The following SYDE2 variants were observed in gnomAD, a reference collection of about 807,000 sequenced individuals.
SYDE2 encodes the protein rho GTPase-activating protein SYDE2.
Under a neutral mutation model 91.5 loss-of-function variants are expected in SYDE2, and 76 were observed. The ratio of observed to expected loss-of-function variants is 0.83; its 90% CI spans 0.69 to 1.01. SYDE2 has a LOEUF of 1.01. Ranked by LOEUF, SYDE2 falls within the 50% of genes least tolerant of loss-of-function variation. The probability of loss-of-function intolerance (pLI) is 0.00; values close to 1 mark genes in which losing one functional copy is unlikely to be tolerated. For synonymous variants in SYDE2, 513 were observed against 506.4 expected (o/e 1.01, Z -0.18); for missense variants, 1,364 against 1,367.7 (o/e 1.00, Z 0.04).
chr1:85,167,205 C>G (rs1452291564), intron 5 of SYDE2, among the ~76,000 whole-genome samples: 1 of 142,830 alleles, frequency 7.0e-6, no homozygotes, highest in Non-Finnish European at 1.5e-5. Context: ...CAAAGTGAGA[C>G]CCTGTCTCAA....
At position 85,158,947 on chromosome 1, in the gene SYDE2, C is replaced by G; in HGVS notation, c.3388G>C (p.Asp1130His). Reference sequence around the variant, plus strand: ...TGTTCAATCATTACTTCTGGCCCATCCATTTTGCTATAATTTTCTCCGATT... The same window carrying G: ...TGTTCAATCATTACTTCTGGCCCATGCATTTTGCTATAATTTTCTCCGATT... ...RKIGENYSKM[D>H]GPEVMIEQPI... is the part of the protein sequence containing the mutation. Residue 1130 changes from aspartate (D) to histidine (H), a missense_variant, in exon 7 of 7, where the codon GAT becomes CAT. Asp to His is a moderately conservative substitution (Grantham distance 81, BLOSUM62 -1). Coordinates refer to ENST00000341460, the MANE Select transcript of SYDE2 (RefSeq NM_032184.2). 2.6e-6 allele frequency: 2 copies of G among 780,620 alleles called. No homozygotes were observed. The highest frequency in any genetic ancestry group is 3.4e-5 in the Admixed American group (2 of 58,990). The allele number at this position is 780,620 out of a possible 1,614,324, so 48.4% of individuals were successfully genotyped here.
chr1:85,176,883 A>G (rs1022029302), intron 4 of SYDE2, among the ~76,000 whole-genome samples: 7 of 152,206 alleles, frequency 4.6e-5, no homozygotes, highest in Admixed American at 2.0e-4. Flanking sequence ...CATATGCTTG[A>G]AAATTTCAAT....
At position 85,182,404 on chromosome 1, in the gene SYDE2, T is replaced by C; in HGVS notation, c.2238A>G (p.Val746=). ...TTCTTGGAGTGGGTTCCCAACTGAA[T>C]ACTACTAGTTTCAAATGTTGTGCAT... ...IENAQHLKLV[V]FSWEPTPRKN... Residue 746 remains valine, a synonymous_variant, in exon 3 of 7, where the codon GTA becomes GTG. Transcript: ENST00000341460. 6.2e-7 allele frequency: 1 copy of C among 1,613,778 alleles called. No individual in the cohort carries two copies. Among genetic ancestry groups the C allele is most frequent in the Non-Finnish European group, 8.5e-7 (1 of 1,179,768 alleles).
In SYDE2 at chr1:85,190,267, C is replaced by T. The variant is rs1394410823; in HGVS notation, c.1231G>A (p.Asp411Asn). Residue 411 changes from aspartate to asparagine, a missense_variant, in exon 2 of 7, where the codon GAC becomes AAC. Physicochemically the swap from Asp to Asn is conservative, Grantham distance 23 (BLOSUM62 1). Coordinates refer to ENST00000341460, the MANE Select transcript of SYDE2 (RefSeq NM_032184.2). Reference sequence around the variant, plus strand: ...GTATGCCGCTCTGCTTTCATCAGGTCACTGCCAGACAACATGCTCAAATTG... The same window carrying T: ...GTATGCCGCTCTGCTTTCATCAGGTTACTGCCAGACAACATGCTCAAATTG... ...AVNLSMLSGSDLMKAERHTED... is the reference protein window; with the variant it reads ...AVNLSMLSGSNLMKAERHTED... 5.6e-6 allele frequency: 9 copies of T among 1,613,904 alleles called. No homozygotes were observed. Among genetic ancestry groups the T allele is most frequent in the Non-Finnish European group, 7.6e-6 (9 of 1,179,874 alleles).
chr1:85,189,027 G>A (rs976669141), intron 2 of SYDE2, among the ~76,000 whole-genome samples: 1 of 152,124 alleles, frequency 6.6e-6, no homozygotes, highest in Non-Finnish European at 1.5e-5. Context: ...CTTATGTTCT[G>A]TTTCCTGGGT....
chr1:85,200,193 G>C, intron 1 of SYDE2, 59 bp downstream of exon 1: 1 of 1,609,258 alleles, frequency 6.2e-7, no homozygotes, highest in South Asian at 1.1e-5. Context: ...TAAGACAGAA[G>C]CCCAGTCGGT....
downstream of SYDE2, among the ~76,000 whole-genome samples, chr1:85,156,212 T>C (rs1656878683): frequency 6.6e-6 from 1 of 152,128 alleles, no homozygotes; most frequent in South Asian, 2.1e-4. Flanking sequence ...AGAATTTTTA[T>C]TCAGGTACAT....
Position 85,193,220 on chromosome 1 carries a change from A to G in SYDE2, c.746-2468T>C, listed in dbSNP as rs189702305. Among the ~76,000 whole-genome samples the G allele has an allele frequency of 3.3e-5, 5 of 152,332 alleles. No individual in the cohort carries two copies. The East Asian group carries it at 9.7e-4, about 29-fold the overall frequency. ...GGGTTTCTGGGTTTTCAGTGATCAC[A>G]TGATTTTGCCAGGTGCACTGAAGTC... On this transcript the variant is annotated intron_variant, in intron 1 of 6. Transcript: ENST00000341460.
At chr1:85,164,421 A>G (rs944129428) in intron 6 of SYDE2, 105 bp downstream of exon 6, 1 of 885,032 alleles carries the variant, frequency 1.1e-6, no homozygotes, top group Non-Finnish European at 1.6e-6. Flanking sequence ...TTGAAAAAGC[A>G]AAATCTAGAA....
chr1:85,197,811 C>G (rs1448911176), intron 1 of SYDE2, among the ~76,000 whole-genome samples: 1 of 152,012 alleles, frequency 6.6e-6, no homozygotes, highest in South Asian at 2.1e-4. Flanking sequence ...CCCACCACCA[C>G]GCCCGGCTAA....
chr1:85,175,645 TCATTA>T (rs1386770919), intron 4 of SYDE2, among the ~76,000 whole-genome samples: 1 of 152,220 alleles, frequency 6.6e-6, no homozygotes, highest in Non-Finnish European at 1.5e-5. Flanking sequence ...GTCACTCATT[TCATTA>T]ATTTCTCATT....
downstream of SYDE2, among the ~76,000 whole-genome samples, chr1:85,154,806 A>G (rs1308027842): frequency 6.6e-6 from 1 of 152,034 alleles, no homozygotes; most frequent in African/African-American, 2.4e-5. Context: ...GTAATAGTGA[A>G]ATGTCTTCAA....
intron 2 of SYDE2, among the ~76,000 whole-genome samples, chr1:85,186,123 G>A (rs1658129434): frequency 6.6e-6 from 1 of 151,958 alleles, no homozygotes; most frequent in Non-Finnish European, 1.5e-5. Context: ...TATTGAACCA[G>A]CCTTGCATCC....
Position 85,190,499 on chromosome 1 carries a change from T to C in SYDE2, c.999A>G (p.Ser333=), listed in dbSNP as rs1658324288. The stretch of plus-strand genomic sequence containing the variant: ...CCACATATGTACAGTACTCTTTAGA[T>C]GATTTGAGGAAAGACTGTGATAGCT... The part of the protein sequence containing the change: ...KHQLSQSFLK[S]SKEYCTYVVC... Residue 333 remains serine, a synonymous_variant, in exon 2 of 7, where the codon TCA becomes TCG. Transcript: ENST00000341460. The C allele has an allele frequency of 1.9e-6, 3 of 1,613,884 alleles. No homozygotes were observed. The highest frequency in any genetic ancestry group is 2.7e-5 in the African/African-American group (2 of 74,928).
At position 85,200,796 on chromosome 1, in the gene SYDE2, C is replaced by T; in HGVS notation, c.201G>A (p.Arg67=). The T allele has an allele frequency of 1.4e-6, 2 of 1,471,570 alleles. No homozygotes were observed. The highest frequency in any genetic ancestry group is 1.8e-6 in the Non-Finnish European group (2 of 1,119,420). 91.2% of individuals were successfully genotyped at this position (1,471,570 alleles called of 1,614,324 possible). ...QQVSPPRSPQ[R]EPRGGQLRTP... is the part of the protein sequence containing the mutation. ...TCCGCAGCTGGCCTCCCCGCGGCTCCCTCTGAGGCGACCGGGGCGGGGACA... is the reference window on the plus strand; with the variant it reads ...TCCGCAGCTGGCCTCCCCGCGGCTCTCTCTGAGGCGACCGGGGCGGGGACA... The change falls in exon 1 of 7, where the codon AGG becomes AGA. Residue 67 remains arginine (R), a synonymous_variant. Coordinates refer to ENST00000341460, the MANE Select transcript of SYDE2 (RefSeq NM_032184.2).
chr1:85,198,218 G>A (rs1658670476), intron 1 of SYDE2, among the ~76,000 whole-genome samples: 1 of 152,128 alleles, frequency 6.6e-6, no homozygotes, highest in Non-Finnish European at 1.5e-5. Context: ...GGTACCAACT[G>A]AGTGATCTTG....
intron 1 of SYDE2, chr1:85,194,701 C>A (rs1180997405): frequency 2.1e-6 from 1 of 466,482 alleles, no homozygotes; most frequent in African/African-American, 2.1e-5. Flanking sequence ...GTTTTTCACT[C>A]AGAAAAATAT....
At chr1:85,194,863 GA>G (rs1465851862) in intron 1 of SYDE2, 37 of 985,046 alleles carry the variant, frequency 3.8e-5, no homozygotes, top group Non-Finnish European at 4.5e-5. Flanking sequence ...AACCCTCATT[GA>G]AAATCTGTAG....
intron 2 of SYDE2, among the ~76,000 whole-genome samples, chr1:85,186,038 C>A (rs1410295931): frequency 6.6e-6 from 1 of 151,666 alleles, no homozygotes; most frequent in Non-Finnish European, 1.5e-5. Flanking sequence ...GCCTTTTCTG[C>A]ATCTATTGAG....
Sources: gnomAD v4.1 joint callset for allele counts (sites outside exome capture counted in the v4.1 genomes callset) on GRCh38, gnomAD v4.1.1 for gene constraint, MANE v1.5 for transcripts, NCBI Gene and HGNC (gene_info 2026-07-23, HGNC 2026-07-21) for gene names.